Variants in CDKAL1 observed in about 807,000 individuals in gnomAD.
The protein encoded by CDKAL1 is CDKAL1 threonylcarbamoyladenosine tRNA methylthiotransferase.
Under a neutral mutation model 68.2 loss-of-function variants are expected in CDKAL1, and 32 were observed. The ratio of observed to expected loss-of-function variants is 0.47; its 90% CI spans 0.35 to 0.63. The LOEUF (loss-of-function observed/expected upper bound fraction) is 0.63, where lower values mean the gene tolerates loss of function less well. Ranked by LOEUF, CDKAL1 falls within the 30% of genes least tolerant of loss-of-function variation. The pLI, the probability that CDKAL1 is intolerant of heterozygous loss-of-function variation, is 0.00. For synonymous variants in CDKAL1, 234 were observed against 244.3 expected, an observed-to-expected ratio of 0.96 and a Z score of 0.39; for missense variants, 606 against 696.7, an observed-to-expected ratio of 0.87 and a Z score of 1.47.
At chr6:20,682,043 A>T (rs888841269) in intron 5 of CDKAL1, among the ~76,000 whole-genome samples, 4 of 152,212 alleles carry the variant, frequency 2.6e-5, no homozygotes, top group African/African-American at 4.8e-5. Context: ...GGTCTCATTT[A>T]TAAGGGCACT....
At chr6:20,621,861 T>G (rs909712239) in intron 4 of CDKAL1, among the ~76,000 whole-genome samples, 7 of 151,654 alleles carry the variant, frequency 4.6e-5, no homozygotes, top group African/African-American at 1.7e-4. Context: ...ATCAGCCATT[T>G]CTCCAAGAAG....
At chr6:20,861,099 G>A (rs1485835137) in intron 9 of CDKAL1, among the ~76,000 whole-genome samples, 1 of 152,098 alleles carries the variant, frequency 6.6e-6, no homozygotes, top group African/African-American at 2.4e-5. Flanking sequence ...TGTTTCATGA[G>A]TCAGGACTGA....
intron 12 of CDKAL1, among the ~76,000 whole-genome samples, chr6:21,067,364 A>T (rs1056083564): frequency 2.1e-4 from 32 of 152,310 alleles, no homozygotes; most frequent in Admixed American, 3.3e-4. Context: ...TTGGCGAACT[A>T]ATCTGTTTTT....
chr6:21,026,737 A>G lies in CDKAL1; in HGVS notation c.1055+26365A>G, dbSNP rs567499402. On this transcript the variant is annotated intron_variant, in intron 11 of 15. Coordinates refer to ENST00000274695, the MANE Select transcript of CDKAL1 (RefSeq NM_017774.3). ...GGAGACTGCTTGTGTATGAAACCAG[A>G]CACAACTGCAGTCTTAACTATGATG... Among the ~76,000 whole-genome samples the G allele has an allele frequency of 3.5e-4, 54 of 152,312 alleles. 1 individual carries two copies. The South Asian group carries it at 7.5e-3, about 21-fold the overall frequency.
chr6:20,659,647 T>C (rs919039831), intron 5 of CDKAL1, among the ~76,000 whole-genome samples: 1 of 152,228 alleles, frequency 6.6e-6, no homozygotes, highest in African/African-American at 2.4e-5. Context: ...GTCTTTGATC[T>C]GTATATCTCC....
At chr6:20,594,270 G>A (rs180698467) in intron 4 of CDKAL1, among the ~76,000 whole-genome samples, 58 of 152,310 alleles carry the variant, frequency 3.8e-4, no homozygotes, top group African/African-American at 1.1e-3. Context: ...AATGTTGACA[G>A]TGGGGTGTTA....
intron 4 of CDKAL1, among the ~76,000 whole-genome samples, chr6:20,586,506 C>T (rs771183365): frequency 1.3e-5 from 2 of 152,126 alleles, no homozygotes; most frequent in Non-Finnish European, 2.9e-5. Context: ...GGCTTGGTGG[C>T]CAGTGCCTAT....
chr6:21,205,123 T>C (rs1395583324), intron 15 of CDKAL1, among the ~76,000 whole-genome samples: 1 of 152,246 alleles, frequency 6.6e-6, no homozygotes, highest in African/African-American at 2.4e-5. Context: ...GTAGCACGTG[T>C]CAGAATTTTC....
intron 9 of CDKAL1, among the ~76,000 whole-genome samples, chr6:20,954,467 A>C (rs1423213610): frequency 6.6e-6 from 1 of 152,204 alleles, no homozygotes; most frequent in Non-Finnish European, 1.5e-5. Flanking sequence ...GGTTCTTCAG[A>C]AGCAACAAAC....
At chr6:21,013,249 T>C (rs188358742) in intron 11 of CDKAL1, among the ~76,000 whole-genome samples, 4 of 152,282 alleles carry the variant, frequency 2.6e-5, no homozygotes, top group African/African-American at 9.6e-5. Context: ...TTAATTCTAA[T>C]TCACAAGGAG....
chr6:20,544,933 T>C (rs1480027920), intron 2 of CDKAL1, among the ~76,000 whole-genome samples: 2 of 151,340 alleles, frequency 1.3e-5, no homozygotes, highest in African/African-American at 4.9e-5. Context: ...CCACTTGGCC[T>C]TTGTAGCGTG....
chr6:20,649,143 G>A (rs1442314993), intron 4 of CDKAL1, 150 bp from the exon 5 acceptor site: 1 of 606,842 alleles, frequency 1.6e-6, no homozygotes, highest in Non-Finnish European at 2.9e-6. Context: ...ATATTTCCAT[G>A]TTCTAGCAAT....
At position 21,085,712 on chromosome 6, in the gene CDKAL1, T is replaced by G. The variant is rs1207706161; in HGVS notation, c.1236+20484T>G. Among the ~76,000 whole-genome samples the G allele has an allele frequency of 3.3e-5, 5 of 152,184 alleles. No homozygotes were observed. The East Asian group carries it at 9.6e-4, about 29-fold the overall frequency. ...TTGGGCTCCATCAAGAGAATTCAACTGTATAATCCTCCTGGATCTACAGCC... is the reference window on the plus strand; with the variant it reads ...TTGGGCTCCATCAAGAGAATTCAACGGTATAATCCTCCTGGATCTACAGCC... On this transcript the variant is annotated intron_variant, in intron 12 of 15. Transcript: ENST00000274695.
intron 10 of CDKAL1, among the ~76,000 whole-genome samples, chr6:20,998,496 C>T (rs1486098340): frequency 1.3e-5 from 2 of 152,082 alleles, no homozygotes; most frequent in Admixed American, 6.6e-5. Context: ...CCTGTAATCC[C>T]AGCTACTTGG....
intron 4 of CDKAL1, among the ~76,000 whole-genome samples, chr6:20,550,949 C>T (rs1257635786): frequency 6.8e-6 from 1 of 146,840 alleles, no homozygotes; most frequent in Non-Finnish European, 1.5e-5. Flanking sequence ...CCACAGCAAG[C>T]TCCGCCTCAC....
chr6:20,818,999 C>T lies in CDKAL1; in HGVS notation c.639-27076C>T, dbSNP rs1214271921. Among the ~76,000 whole-genome samples the T allele has an allele frequency of 2.6e-5, 4 of 152,126 alleles. No individual in the cohort carries two copies. In the East Asian group the frequency reaches 5.8e-4, roughly 22 times the overall value. ...AATACAAGTGCTTGGTTGATTTACA[C>T]TTTAAAATAAAACAATCATTTTGTT... is the stretch of plus-strand genomic sequence containing the variant. On this transcript the variant is annotated intron_variant, in intron 8 of 15. Transcript: ENST00000274695.
intron 13 of CDKAL1, among the ~76,000 whole-genome samples, chr6:21,148,548 A>C (rs1776278330): frequency 6.6e-6 from 1 of 152,198 alleles, no homozygotes; most frequent in Non-Finnish European, 1.5e-5. Flanking sequence ...ACAGAATCAC[A>C]GTGTTGTAGT....
chr6:20,704,469 A>C (rs1324656268), intron 5 of CDKAL1, among the ~76,000 whole-genome samples: 1 of 148,798 alleles, frequency 6.7e-6, no homozygotes, highest in Non-Finnish European at 1.5e-5. Flanking sequence ...AAACAGCAAT[A>C]AAAAAAACAC....
intron 5 of CDKAL1, among the ~76,000 whole-genome samples, chr6:20,702,154 G>A (rs1035650775): frequency 6.6e-6 from 1 of 152,064 alleles, no homozygotes; most frequent in African/African-American, 2.4e-5. Context: ...TGTCCCCCTC[G>A]CAGGGCGTGT....
Sources: gnomAD v4.1 joint callset for allele counts (sites outside exome capture counted in the v4.1 genomes callset) on GRCh38, gnomAD v4.1.1 for gene constraint, MANE v1.5 for transcripts, NCBI Gene and HGNC (gene_info 2026-07-23, HGNC 2026-07-21) for gene names.